The following FLYWCH1 variants were observed in gnomAD, a reference collection of about 807,000 sequenced individuals.
FLYWCH1 encodes the protein FLYWCH-type zinc finger-containing protein 1.
Under a neutral mutation model 66.4 loss-of-function variants are expected in FLYWCH1, and 75 were observed. The observed-to-expected ratio is 1.13, with a 90% CI of 0.94 to 1.37. FLYWCH1 has a LOEUF of 1.37. Ranked by LOEUF, FLYWCH1 falls within the 40% of genes most tolerant of loss-of-function variation. FLYWCH1 has a pLI of 0.00. For missense variants in FLYWCH1, 1,334 were observed against 1,001.8 expected, an observed-to-expected ratio of 1.33 and a Z score of -4.48; for synonymous variants, 595 against 429.9, an observed-to-expected ratio of 1.38 and a Z score of -4.75.
rs2071122614 is a variant in FLYWCH1, at chr16:2,938,603, CTTTGTTTTTTTTT to C, written c.2050+151_2050+163del. On this transcript the variant is annotated intron_variant, in intron 8 of 9. Transcript: ENST00000253928. ...CATATAAACAGAATGTGAAACCAGT[CTTTGTTTTTTTTT>C]TTTTTTTTTTTTTTGAGACTGAGTC... The C allele has an allele frequency of 1.1e-5, 4 of 376,188 alleles. No homozygotes were observed. The South Asian group carries it at 2.9e-4, about 27-fold the overall frequency. The allele number at this position is 376,188 out of a possible 1,614,324, so 23.3% of individuals were successfully genotyped here.
chr16:2,913,153 G>C (rs908661223), intron 1 of FLYWCH1: 2 of 152,248 alleles, frequency 1.3e-5, no homozygotes, highest in Non-Finnish European at 2.9e-5. Flanking sequence ...GCTTTAGGAA[G>C]AGTGACCTGT....
Position 2,933,910 on chromosome 16 carries a change from G to T in FLYWCH1, c.1444G>T (p.Asp482Tyr), listed in dbSNP as rs757576518. Reference protein sequence around the residue: ...TVMRGHCHPPDLGGLEALRQR... With the variant: ...TVMRGHCHPPYLGGLEALRQR... ...CATGCGTGGTCACTGCCACCCGCCCGACCTGGGAGGCCTGGAGGCCCTGAG... is the reference window on the plus strand; with the variant it reads ...CATGCGTGGTCACTGCCACCCGCCCTACCTGGGAGGCCTGGAGGCCCTGAG... Residue 482 changes from aspartate (D) to tyrosine (Y), a missense_variant, in exon 6 of 10, where the codon GAC becomes TAC. Transcript: ENST00000253928. 5 of 1,576,278 alleles carry T rather than the reference G, an allele frequency of 3.2e-6. No homozygotes were observed. The Admixed American group carries it at 5.6e-5, about 18-fold the overall frequency.
intron 5 of FLYWCH1, 65 bp downstream of exon 5, chr16:2,933,647 G>A (rs1203571226): frequency 6.4e-7 from 1 of 1,564,760 alleles, no homozygotes; most frequent in South Asian, 1.2e-5. Context: ...GGTCCAGGGA[G>A]GGAAGGGGGT....
At position 2,933,913 on chromosome 16, in the gene FLYWCH1, C is replaced by G. The variant is rs747982585; in HGVS notation, c.1447C>G (p.Leu483Val). 3 of 1,574,230 alleles carry G rather than the reference C, an allele frequency of 1.9e-6. No individual in the cohort carries two copies. The highest frequency in any genetic ancestry group is 2.6e-6 in the Non-Finnish European group (3 of 1,160,332). ...VMRGHCHPPD[L>V]GGLEALRQRE... is the part of the protein sequence containing the mutation. ...GCGTGGTCACTGCCACCCGCCCGAC[C>G]TGGGAGGCCTGGAGGCCCTGAGGCA... The change falls in exon 6 of 10, where the codon CTG becomes GTG. Residue 483 changes from leucine to valine, a missense_variant. By Grantham distance (32) the Leu-to-Val change is conservative (BLOSUM62 1). Coordinates refer to ENST00000253928, the MANE Select transcript of FLYWCH1 (RefSeq NM_001308068.2).
rs200929784 is a variant in FLYWCH1, at chr16:2,948,715, C to T, written c.2139C>T (p.Gly713=). The T allele has an allele frequency of 3.1e-3, 4,967 of 1,613,796 alleles. 17 individuals carry two copies. The highest frequency in any genetic ancestry group is 3.8e-3 in the Non-Finnish European group (4,518 of 1,179,724). ...ACATCAAAGACGTCAGACTGGATGGCGAGTCCCAGTGAGGCGATGTGGGCA... is the reference window on the plus strand; with the variant it reads ...ACATCAAAGACGTCAGACTGGATGGTGAGTCCCAGTGAGGCGATGTGGGCA... ...YGDIKDVRLD[G]ESQ Residue 713 remains glycine, a synonymous_variant, in exon 10 of 10, where the codon GGC becomes GGT. Transcript: ENST00000253928.
intron 8 of FLYWCH1, 74 bp from the exon 9 acceptor site, chr16:2,939,958 G>A (rs1333931587): frequency 5.2e-6 from 8 of 1,527,900 alleles, no homozygotes; most frequent in East Asian, 2.5e-5. Flanking sequence ...CGTTAACAAG[G>A]TGTGTGTCCT....
chr16:2,947,057 A>C (rs2071515355), intron 9 of FLYWCH1, among the ~76,000 whole-genome samples: 1 of 152,218 alleles, frequency 6.6e-6, no homozygotes, highest in Admixed American at 6.5e-5. Flanking sequence ...GTTCATATCA[A>C]CATTATTCCT....
At chr16:2,923,069 C>G in intron 2 of FLYWCH1, 1 of 415,966 alleles carries the variant, frequency 2.4e-6, no homozygotes, top group Non-Finnish European at 4.6e-6. Context: ...TTGTGCGGAT[C>G]TATTTTTTTT....
At position 2,929,891 on chromosome 16, in the gene FLYWCH1, A is replaced by T; in HGVS notation, c.206A>T (p.Glu69Val). The change falls in exon 3 of 10, where the codon GAG becomes GTG. Residue 69 changes from glutamate (E) to valine (V), a missense_variant. Physicochemically the swap from Glu to Val is moderately radical, Grantham distance 121. Transcript: ENST00000253928. ...PQEVHCVLSLEMAGPATLAST... is the reference protein window; with the variant it reads ...PQEVHCVLSLVMAGPATLAST... Reference sequence around the variant, plus strand: ...GAAGTGCACTGCGTCCTGTCCCTGGAGATGGCTGGCCCCGCCACCCTCGCC... The same window carrying T: ...GAAGTGCACTGCGTCCTGTCCCTGGTGATGGCTGGCCCCGCCACCCTCGCC... 1 of 1,613,766 alleles carries T rather than the reference A, an allele frequency of 6.2e-7. No homozygotes were observed. Among genetic ancestry groups the T allele is most frequent in the Non-Finnish European group, 8.5e-7 (1 of 1,179,862 alleles).
chr16:2,940,771 C>T (rs1212571579), intron 9 of FLYWCH1, among the ~76,000 whole-genome samples: 1 of 152,190 alleles, frequency 6.6e-6, no homozygotes, highest in East Asian at 1.9e-4. Flanking sequence ...CCACTATGGT[C>T]AAAGAACATA....
At chr16:2,924,747 G>A (rs1047686733) in intron 2 of FLYWCH1, among the ~76,000 whole-genome samples, 5 of 152,218 alleles carry the variant, frequency 3.3e-5, no homozygotes, top group East Asian at 3.8e-4. Flanking sequence ...GCGGAGTGGC[G>A]GTGGGTCAGC....
In FLYWCH1 at chr16:2,933,901, C is replaced by T. The variant is rs764557628; in HGVS notation, c.1435C>T (p.His479Tyr). 5 of 1,581,758 alleles carry T rather than the reference C, an allele frequency of 3.2e-6. No homozygotes were observed. The highest frequency in any genetic ancestry group is 1.8e-5 in the Admixed American group (1 of 54,320). ...RRVTVMRGHCHPPDLGGLEAL... is the reference protein window; with the variant it reads ...RRVTVMRGHCYPPDLGGLEAL... ...GGTGACTGTCATGCGTGGTCACTGC[C>T]ACCCGCCCGACCTGGGAGGCCTGGA... The change falls in exon 6 of 10, where the codon CAC becomes TAC. Residue 479 changes from histidine (H) to tyrosine (Y), a missense_variant. Physicochemically the swap from His to Tyr is moderately conservative, Grantham distance 83 (BLOSUM62 2). Coordinates refer to ENST00000253928, the MANE Select transcript of FLYWCH1 (RefSeq NM_001308068.2).
At chr16:2,920,343 C>T (rs2070325702) in intron 2 of FLYWCH1, among the ~76,000 whole-genome samples, 1 of 151,910 alleles carries the variant, frequency 6.6e-6, no homozygotes, top group African/African-American at 2.4e-5. Flanking sequence ...AACTCCATCT[C>T]TACTAAAAAT....
chr16:2,926,150 A>C (rs769813577), intron 2 of FLYWCH1, among the ~76,000 whole-genome samples: 4 of 152,176 alleles, frequency 2.6e-5, no homozygotes, highest in African/African-American at 4.8e-5. Flanking sequence ...CGTGGTGACC[A>C]CGGGATTAAG....
intron 2 of FLYWCH1, among the ~76,000 whole-genome samples, chr16:2,914,793 C>G (rs1017399788): frequency 6.6e-6 from 1 of 151,594 alleles, no homozygotes; most frequent in African/African-American, 2.4e-5. Flanking sequence ...CCCAGCTACT[C>G]AGGAGCCTGA....
At chr16:2,934,093 A>T (rs2070895277) in intron 6 of FLYWCH1, 114 bp downstream of exon 6, 1 of 1,280,270 alleles carries the variant, frequency 7.8e-7, no homozygotes, top group African/African-American at 1.5e-5. Context: ...CCTTCTTTGA[A>T]CATCCTAGAA....
intron 8 of FLYWCH1, among the ~76,000 whole-genome samples, chr16:2,938,699 G>C (rs1394542672): frequency 5.6e-5 from 5 of 89,150 alleles, no homozygotes; most frequent in African/African-American, 1.2e-4. Context: ...TGCAAGCTCC[G>C]CCTCCCGGGT....
In FLYWCH1 at chr16:2,942,403, C is replaced by T. The variant is rs553941265; in HGVS notation, c.2111+2311C>T. Among the ~76,000 whole-genome samples, 24 of 152,234 alleles carry T rather than the reference C, an allele frequency of 1.6e-4. 1 individual carries two copies. The South Asian group carries it at 5.0e-3, about 32-fold the overall frequency. ...GCTCAATCAGTCCACCTGCCTTGGC[C>T]TCCCAAAGTGCTGGCATTACAAGCA... On this transcript the variant is annotated intron_variant, in intron 9 of 9. Coordinates refer to ENST00000253928, the MANE Select transcript of FLYWCH1 (RefSeq NM_001308068.2).
chr16:2,924,756 G>C (rs2070497287), intron 2 of FLYWCH1, among the ~76,000 whole-genome samples: 1 of 152,212 alleles, frequency 6.6e-6, no homozygotes, highest in African/African-American at 2.4e-5. Flanking sequence ...CGGTGGGTCA[G>C]CATCTACCAT....
Sources: allele counts gnomAD v4.1 joint callset (sites outside exome capture counted in the v4.1 genomes callset), GRCh38; gene constraint gnomAD v4.1.1; transcripts MANE v1.5; gene names NCBI Gene and HGNC (gene_info 2026-07-23, HGNC 2026-07-21).